The following EPHA3 variants were observed in gnomAD, a reference collection of about 807,000 sequenced individuals.
EPHA3 encodes the protein ephrin type-A receptor 3.
In EPHA3, 42 loss-of-function variants were observed where a neutral mutation model predicts 107.1. That is an observed-to-expected ratio of 0.39 (90% CI 0.31 to 0.51). The LOEUF is 0.51. Among genes scored for constraint, EPHA3 ranks in the 20% least tolerant of loss-of-function variants. The probability of loss-of-function intolerance (pLI) is 0.78; values close to 1 mark genes in which losing one functional copy is unlikely to be tolerated. For synonymous variants in EPHA3, 461 were observed against 424.8 expected (o/e 1.09, Z -1.05); for missense variants, 1,183 against 1,211.2 (o/e 0.98, Z 0.35).
Position 89,466,651 on chromosome 3 carries a change from C to T in EPHA3, c.2691-5813C>T, listed in dbSNP as rs1452915009. On this transcript the variant is annotated intron_variant, in intron 15 of 16. Transcript: ENST00000336596. ...GGAAAGGGAACTCCCTGACCCCTTG[C>T]GCTTCCCAGGTGAGGCAATGCCTCG... 5.4e-5 allele frequency among the ~76,000 whole-genome samples: 7 copies of T among 129,400 alleles called. 1 individual carries two copies. The East Asian group carries it at 8.4e-4, about 15-fold the overall frequency. 84.9% of individuals were successfully genotyped at this position (129,400 alleles called of 152,430 possible). A position where few individuals can be genotyped will look rare whatever the true frequency, so the allele number is the denominator to read the frequency against.
chr3:89,308,464 A>G (rs916197742), intron 3 of EPHA3, among the ~76,000 whole-genome samples: 30 of 152,228 alleles, frequency 2.0e-4, no homozygotes, highest in African/African-American at 7.0e-4. Context: ...GCAGGAGTGC[A>G]AGAAGAACAT....
chr3:89,258,963 A>G (rs999818930), intron 3 of EPHA3, among the ~76,000 whole-genome samples: 1 of 152,120 alleles, frequency 6.6e-6, no homozygotes, highest in African/African-American at 2.4e-5. Context: ...ATGTATGGGA[A>G]ATCTCTTGGC....
At chr3:89,353,759 A>ATTGTCC (rs1415612854) in intron 5 of EPHA3, among the ~76,000 whole-genome samples, 1 of 151,260 alleles carries the variant, frequency 6.6e-6, no homozygotes, top group Non-Finnish European at 1.5e-5. Context: ...AAAACCATAT[A>ATTGTCC]TTGTCCTGAC....
intron 2 of EPHA3, among the ~76,000 whole-genome samples, chr3:89,183,298 C>T (rs548043133): frequency 8.6e-5 from 13 of 151,972 alleles, no homozygotes; most frequent in African/African-American, 2.6e-4. Flanking sequence ...AATCTCTTCC[C>T]ACTGTCTCAC....
intron 3 of EPHA3, among the ~76,000 whole-genome samples, chr3:89,273,281 A>G (rs1161017062): frequency 6.6e-6 from 1 of 151,934 alleles, no homozygotes; most frequent in Non-Finnish European, 1.5e-5. Flanking sequence ...GACATAAAGT[A>G]AAAAACCTTA....
rs1710587227 is a variant in EPHA3, at chr3:89,479,649, G to A, written c.*147G>A. The A allele has an allele frequency of 1.8e-6, 1 of 564,264 alleles. No homozygotes were observed. Among genetic ancestry groups the A allele is most frequent in the Admixed American group, 3.4e-5 (1 of 29,540 alleles). 35.0% of individuals were successfully genotyped at this position (564,264 alleles called of 1,614,324 possible). A position where few individuals can be genotyped will look rare whatever the true frequency, so the allele number is the denominator to read the frequency against. Reference sequence around the variant, plus strand: ...ATATGAGTACAAATGCCTTAAAATGGAATTGAAAAACTCTTTATTTTCCCC... The same window carrying A: ...ATATGAGTACAAATGCCTTAAAATGAAATTGAAAAACTCTTTATTTTCCCC... On this transcript the variant is annotated 3_prime_UTR_variant, in exon 17 of 17. Coordinates refer to ENST00000336596, the MANE Select transcript of EPHA3 (RefSeq NM_005233.6).
chr3:89,303,145 C>T (rs1421108435), intron 3 of EPHA3, among the ~76,000 whole-genome samples: 1 of 152,158 alleles, frequency 6.6e-6, no homozygotes, highest in Non-Finnish European at 1.5e-5. Flanking sequence ...GTCCACCCAC[C>T]TTGGCCTCCC....
At chr3:89,242,344 C>T (rs1704917361) in intron 3 of EPHA3, among the ~76,000 whole-genome samples, 1 of 152,188 alleles carries the variant, frequency 6.6e-6, no homozygotes, top group South Asian at 2.1e-4. Context: ...TTTAGAATGA[C>T]TGTAAGTTTC....
At chr3:89,124,124 G>T (rs1256591723) in intron 1 of EPHA3, among the ~76,000 whole-genome samples, 1 of 152,098 alleles carries the variant, frequency 6.6e-6, no homozygotes, top group African/African-American at 2.4e-5. Context: ...TAGTATATTT[G>T]TATGTCACAA....
intron 5 of EPHA3, among the ~76,000 whole-genome samples, chr3:89,359,677 G>GTGTGTGTGTGTATATACGTTATATAT (rs1708044786): frequency 6.8e-6 from 1 of 147,594 alleles, no homozygotes; most frequent in African/African-American, 2.5e-5. Flanking sequence ...TATATATTGT[G>GTGTGTGTGTGTATATACGTTATATAT]TGTGTGTGTG....
At chr3:89,156,421 C>A (rs1268997076) in intron 2 of EPHA3, among the ~76,000 whole-genome samples, 3 of 152,024 alleles carry the variant, frequency 2.0e-5, no homozygotes, top group Non-Finnish European at 4.4e-5. Flanking sequence ...AACTGCTCTG[C>A]AATAAATTGT....
intron 3 of EPHA3, among the ~76,000 whole-genome samples, chr3:89,284,026 T>G (rs1706012710): frequency 6.6e-6 from 1 of 152,068 alleles, no homozygotes. Context: ...CATAAAAGAC[T>G]AGGATTTTAT....
intron 2 of EPHA3, among the ~76,000 whole-genome samples, chr3:89,142,652 A>G (rs760381383): frequency 5.3e-5 from 8 of 151,534 alleles, no homozygotes; most frequent in Admixed American, 4.6e-4. Context: ...TTGAATTGTC[A>G]TCTTAGAAGA....
At chr3:89,351,084 T>C (rs1408083779) in intron 5 of EPHA3, among the ~76,000 whole-genome samples, 1 of 151,366 alleles carries the variant, frequency 6.6e-6, no homozygotes. Flanking sequence ...GTCTTTGCCC[T>C]GCCCCCAGAG....
At chr3:89,426,588 G>A (rs1185994140) in intron 11 of EPHA3, among the ~76,000 whole-genome samples, 1 of 151,752 alleles carries the variant, frequency 6.6e-6, no homozygotes, top group Non-Finnish European at 1.5e-5. Flanking sequence ...TGATTTTTCA[G>A]CTACTTTTAT....
chr3:89,477,630 CTGTGTG>C (rs1424493891), intron 16 of EPHA3, among the ~76,000 whole-genome samples: 1 of 151,756 alleles, frequency 6.6e-6, no homozygotes, highest in African/African-American at 2.4e-5. Flanking sequence ...GTGTCTGTGT[CTGTGTG>C]TGGTGTGTTC....
intron 1 of EPHA3, 117 bp downstream of exon 1, chr3:89,107,953 C>T (rs961118552): frequency 1.7e-5 from 15 of 909,058 alleles, no homozygotes; most frequent in Middle Eastern, 2.3e-4. Context: ...GCAGTTTGCT[C>T]TGAGAGTGAA....
intron 5 of EPHA3, among the ~76,000 whole-genome samples, chr3:89,356,673 T>A (rs1707964279): frequency 6.6e-6 from 1 of 151,232 alleles, no homozygotes; most frequent in Admixed American, 6.6e-5. Context: ...CATATACATA[T>A]GTATATATAA....
In EPHA3 at chr3:89,281,298, TAC is replaced by T. The variant is rs1705943038; in HGVS notation, c.815-59616_815-59615del. 4.6e-5 allele frequency among the ~76,000 whole-genome samples: 7 copies of T among 152,292 alleles called. 1 individual carries two copies. The highest frequency in any genetic ancestry group is 1.7e-4 in the African/African-American group (7 of 41,568). The stretch of plus-strand genomic sequence containing the variant: ...CCTTGGCCTCCTAAAGTGCTAGGAT[TAC>T]AGGCATGGGCCACCACACCGGGCCT... On this transcript the variant is annotated intron_variant, in intron 3 of 16. Transcript: ENST00000336596.
Sources: allele counts gnomAD v4.1 joint callset (sites outside exome capture counted in the v4.1 genomes callset), GRCh38; gene constraint gnomAD v4.1.1; transcripts MANE v1.5; gene names NCBI Gene and HGNC (gene_info 2026-07-23, HGNC 2026-07-21).